Variants in CEP192 observed in about 807,000 individuals in gnomAD.
CEP192 encodes centrosomal protein of 192 kDa.
In CEP192, 151 loss-of-function variants were observed where a neutral mutation model predicts 271.8. The observed-to-expected ratio is 0.56, with a 90% CI of 0.49 to 0.64. The LOEUF is 0.64. Among genes scored for constraint, CEP192 ranks in the 30% least tolerant of loss-of-function variants. The pLI, the probability that CEP192 is intolerant of heterozygous loss-of-function variation, is 0.00. For missense variants in CEP192, 2,910 were observed against 3,020.5 expected, an observed-to-expected ratio of 0.96 and a Z score of 0.86; for synonymous variants, 995 against 1,076.5, an observed-to-expected ratio of 0.92 and a Z score of 1.48.
intron 30 of CEP192, among the ~76,000 whole-genome samples, chr18:13,074,915 A>G (rs1301743407): frequency 6.6e-6 from 1 of 152,250 alleles, no homozygotes; most frequent in Non-Finnish European, 1.5e-5. Context: ...AACAAATGAA[A>G]TGATCTGTGT....
intron 6 of CEP192, 103 bp downstream of exon 6, chr18:13,015,551 C>T (rs1018825732): frequency 3.1e-5 from 33 of 1,062,820 alleles, no homozygotes; most frequent in Non-Finnish European, 4.2e-5. Context: ...GTTTTTTGTC[C>T]TTACCTTTTC....
chr18:13,023,931 C>T (rs1289972474), intron 9 of CEP192, among the ~76,000 whole-genome samples: 18 of 152,022 alleles, frequency 1.2e-4, no homozygotes, highest in Admixed American at 1.1e-3. Context: ...GTATCTATTT[C>T]GTGAGTTTTT....
In CEP192 at chr18:13,056,445, C is replaced by T; in HGVS notation, c.3855C>T (p.Ala1285=). 1 of 1,614,242 alleles carries T rather than the reference C, an allele frequency of 6.2e-7. No individual in the cohort carries two copies. The highest frequency in any genetic ancestry group is 8.5e-7 in the Non-Finnish European group (1 of 1,180,046). The change falls in exon 19 of 45, where the codon GCC becomes GCT. Residue 1285 remains alanine (A), a synonymous_variant. Coordinates refer to ENST00000506447, the MANE Select transcript of CEP192 (RefSeq NM_032142.4). ...TTLPQCHAGN[A]TVCGFSGGLP... ...TGCCTCAGTGCCATGCTGGCAATGCCACAGTCTGTGGCTTCTCAGGAGGCC... is the reference window on the plus strand; with the variant it reads ...TGCCTCAGTGCCATGCTGGCAATGCTACAGTCTGTGGCTTCTCAGGAGGCC...
At chr18:13,012,655 A>G (rs2034431727) in intron 4 of CEP192, among the ~76,000 whole-genome samples, 1 of 152,026 alleles carries the variant, frequency 6.6e-6, no homozygotes, top group Non-Finnish European at 1.5e-5. Context: ...AGTTTGTCCC[A>G]CTATTTGGGT....
intron 4 of CEP192, among the ~76,000 whole-genome samples, chr18:13,009,202 T>A (rs899200744): frequency 6.6e-6 from 1 of 152,132 alleles, no homozygotes; most frequent in Admixed American, 6.5e-5. Context: ...CTGAAAATGC[T>A]TTGGTTTGCA....
chr18:13,041,517 C>T (rs2036201551), intron 14 of CEP192, among the ~76,000 whole-genome samples: 1 of 151,704 alleles, frequency 6.6e-6, no homozygotes, highest in Non-Finnish European at 1.5e-5. Flanking sequence ...AGCTCATTTT[C>T]CATTTCTCTA....
chr18:13,009,008 CTTTTTGTT>C, intron 4 of CEP192, among the ~76,000 whole-genome samples: 1 of 113,558 alleles, frequency 8.8e-6, no homozygotes, highest in African/African-American at 4.3e-5. Flanking sequence ...TGTGCCTGGC[CTTTTTGTT>C]TTTTTTTTTT....
intron 40 of CEP192, 50 bp from the exon 41 acceptor site, chr18:13,113,536 C>G: frequency 1.9e-6 from 3 of 1,580,988 alleles, no homozygotes; most frequent in Non-Finnish European, 1.7e-6. Context: ...CTAGCTAACA[C>G]TGTGTTTAAT....
chr18:13,073,108 A>G lies in CEP192; in HGVS notation c.5539A>G (p.Thr1847Ala), dbSNP rs773362895. The change falls in exon 30 of 45, where the codon ACT becomes GCT. Residue 1847 changes from threonine (T) to alanine (A), a missense_variant. Transcript: ENST00000506447. ...DIFISVLFAPTRLSCMLARLE... is the reference protein window; with the variant it reads ...DIFISVLFAPARLSCMLARLE... The stretch of plus-strand genomic sequence containing the variant: ...TTTCATCTCTGTATTATTTGCACCT[A>G]CTCGATTATCTTGCATGTTGGCTAG... The G allele has an allele frequency of 1.2e-5, 20 of 1,613,780 alleles. No individual in the cohort carries two copies. The South Asian group carries it at 2.2e-4, about 18-fold the overall frequency.
intron 38 of CEP192, 53 bp downstream of exon 38, chr18:13,100,565 A>G: frequency 8.1e-6 from 11 of 1,363,220 alleles, no homozygotes; most frequent in South Asian, 1.2e-5. Context: ...TATTGAGTCT[A>G]ATGCTTTATT....
chr18:13,083,595 G>A (rs1049206715), intron 30 of CEP192, among the ~76,000 whole-genome samples: 8 of 152,128 alleles, frequency 5.3e-5, no homozygotes, highest in East Asian at 3.8e-4. Flanking sequence ...TGTTATTACC[G>A]ACCTTCTGAA....
In CEP192 at chr18:13,030,488, G is replaced by A. The variant is rs772116101; in HGVS notation, c.1414G>A (p.Val472Ile). ...KDKTDLPQSV[V>I]YQNEEGRWVT... ...AGAAACAGATCTCCCACAGAGTGTGGTCTATCAAAATGAAGAGGGTAGGTG... is the reference window on the plus strand; with the variant it reads ...AGAAACAGATCTCCCACAGAGTGTGATCTATCAAAATGAAGAGGGTAGGTG... Residue 472 changes from valine (V) to isoleucine (I), a missense_variant, in exon 11 of 45, where the codon GTC (valine) becomes ATC (isoleucine). Transcript: ENST00000506447. 2 of 1,610,408 alleles carry A rather than the reference G, an allele frequency of 1.2e-6. No homozygotes were observed. Among genetic ancestry groups the A allele is most frequent in the South Asian group, 1.1e-5 (1 of 90,726 alleles).
At chr18:12,993,799 T>A (rs1465730595) in intron 1 of CEP192, among the ~76,000 whole-genome samples, 1 of 152,186 alleles carries the variant, frequency 6.6e-6, no homozygotes, top group East Asian at 1.9e-4. Flanking sequence ...ACCTTACAAA[T>A]TTGACATGGG....
chr18:13,117,532 G>A, intron 43 of CEP192, 53 bp from the exon 44 acceptor site: 2 of 1,332,980 alleles, frequency 1.5e-6, no homozygotes, highest in Non-Finnish European at 1.1e-6. Flanking sequence ...GCTTATATAT[G>A]CTAAAAGATC....
At chr18:13,031,458 G>A (rs2035624579) in intron 11 of CEP192, among the ~76,000 whole-genome samples, 1 of 151,764 alleles carries the variant, frequency 6.6e-6, no homozygotes, top group African/African-American at 2.4e-5. Context: ...CGTTTTAGCC[G>A]GGATGGTCTC....
Position 13,073,004 on chromosome 18 carries a change from T to C in CEP192, c.5440-5T>C, listed in dbSNP as rs777199266. ...TTTATGCATTTAACTGTTTTTAAAT[T>C]GTAGCTTCAGAACACTTTTGGTTCA... On this transcript the variant is annotated splice_polypyrimidine_tract_variant and splice_region_variant and intron_variant, in intron 29 of 44. Coordinates refer to ENST00000506447, the MANE Select transcript of CEP192 (RefSeq NM_032142.4). 6.9e-6 allele frequency: 11 copies of C among 1,602,532 alleles called. No individual in the cohort carries two copies. The Admixed American group carries it at 1.9e-4, about 28-fold the overall frequency.
chr18:13,025,282 T>C (rs1599105132), intron 9 of CEP192, among the ~76,000 whole-genome samples: 2 of 152,218 alleles, frequency 1.3e-5, no homozygotes, highest in South Asian at 4.2e-4. Flanking sequence ...AGTGGCAGGA[T>C]TATAGCTCAC....
chr18:13,097,366 C>G (rs2039449618), intron 36 of CEP192, among the ~76,000 whole-genome samples: 2 of 152,186 alleles, frequency 1.3e-5, no homozygotes, highest in South Asian at 2.1e-4. Context: ...TCCCCTGGTT[C>G]TTGAAGAGAA....
intron 38 of CEP192, among the ~76,000 whole-genome samples, chr18:13,101,528 C>G (rs2039704494): frequency 6.6e-6 from 1 of 152,144 alleles, no homozygotes; most frequent in Admixed American, 6.5e-5. Flanking sequence ...ATTTTTGTCC[C>G]TGTCTGTCTC....
Sources: gnomAD v4.1 joint callset for allele counts (sites outside exome capture counted in the v4.1 genomes callset) on GRCh38, gnomAD v4.1.1 for gene constraint, MANE v1.5 for transcripts, NCBI Gene and HGNC (gene_info 2026-07-23, HGNC 2026-07-21) for gene names.